HELB: variants seen among roughly 807,000 people sequenced by gnomAD.
HELB encodes DNA 5'-3' helicase B.
HELB carries 96 observed loss-of-function variants against 101.7 expected under a neutral mutation model. The observed-to-expected ratio is 0.94, with a 90% CI of 0.80 to 1.12. The LOEUF (loss-of-function observed/expected upper bound fraction) is 1.12, where lower values mean the gene tolerates loss of function less well. Ranked by LOEUF, HELB falls within the 50% of genes most tolerant of loss-of-function variation. HELB has a pLI of 0.00. For missense variants in HELB, 1,210 were observed against 1,291.9 expected, an observed-to-expected ratio of 0.94 and a Z score of 0.97; for synonymous variants, 437 against 459.7, an observed-to-expected ratio of 0.95 and a Z score of 0.63.
Position 66,336,972 on chromosome 12 carries a change from C to G in HELB, c.3163-1029C>G, listed in dbSNP as rs552625815. Among the ~76,000 whole-genome samples, 3 of 152,158 alleles carry G rather than the reference C, an allele frequency of 2.0e-5. No homozygotes were observed. In the East Asian group the frequency reaches 5.8e-4, roughly 29 times the overall value. ...GCCAAAAGATTATTTCAGTAACCTG[C>G]GTAAAATGAGGAGGTTCTAACATTA... is the stretch of plus-strand genomic sequence containing the variant. On this transcript the variant is annotated intron_variant, in intron 12 of 12. Transcript: ENST00000247815.
At chr12:66,338,272 G>A (rs546379772), downstream of HELB, 27 of 597,346 alleles carry the variant, frequency 4.5e-5, no homozygotes, top group East Asian at 3.5e-4. Flanking sequence ...ATTTCAACAC[G>A]TCATCATGAG....
At chr12:66,325,266 A>G (rs1219450015) in intron 11 of HELB, 140 bp downstream of exon 11, 4 of 587,704 alleles carry the variant, frequency 6.8e-6, no homozygotes, top group Non-Finnish European at 1.2e-5. Context: ...AACATAATAG[A>G]GAAGACGCCA....
chr12:66,315,174 A>C, intron 5 of HELB, 68 bp from the exon 6 acceptor site: 2 of 1,200,706 alleles, frequency 1.7e-6, no homozygotes, highest in Non-Finnish European at 2.3e-6. Flanking sequence ...CTGTTAAATA[A>C]TTTTAAACAA....
chr12:66,322,725 C>G lies in HELB; in HGVS notation c.2239C>G (p.Gln747Glu), dbSNP rs1461817849. The change falls in exon 9 of 13, where the codon CAA becomes GAA. Residue 747 changes from glutamine (Q) to glutamate (E), a missense_variant and splice_region_variant. Around this residue, in one of 2 missense-constraint regions of HELB, gnomAD observed 740 missense variants for 728.8 expected, o/e 1.02. Coordinates refer to ENST00000247815, the MANE Select transcript of HELB (RefSeq NM_001370285.1). ...KTSQFIAFRR[Q>E]DCDLINDCCC... Reference sequence around the variant, plus strand: ...CCCCTGCATTTTCGTGTGTTTCAGGCAAGACTGTGATCTAATTAATGACTG... The same window carrying G: ...CCCCTGCATTTTCGTGTGTTTCAGGGAAGACTGTGATCTAATTAATGACTG... 1 of 1,607,828 alleles carries G rather than the reference C, an allele frequency of 6.2e-7. No individual in the cohort carries two copies.
In HELB at chr12:66,314,134, A is replaced by C. The variant is rs754862759; in HGVS notation, c.1829A>C (p.His610Pro). 3 of 1,613,556 alleles carry C rather than the reference A, an allele frequency of 1.9e-6. No homozygotes were observed. Among genetic ancestry groups the C allele is most frequent in the Admixed American group, 3.3e-5 (2 of 59,972 alleles). ...TCGGTCTTAAATTTATTGTGTGAGC[A>C]CTCCAAACTTTCTAAGCTTATTATC... ...FKSVLNLLCE[H>P]SKLSKLIILG... Residue 610 changes from histidine (H) to proline (P), a missense_variant, in exon 5 of 13, where the codon CAC becomes CCC. Coordinates refer to ENST00000247815, the MANE Select transcript of HELB (RefSeq NM_001370285.1).
At chr12:66,304,475 C>G (rs979669401) in intron 1 of HELB, among the ~76,000 whole-genome samples, 2 of 152,154 alleles carry the variant, frequency 1.3e-5, no homozygotes, top group Non-Finnish European at 2.9e-5. Context: ...ACAGCAGACA[C>G]CTGCTGTGTA....
downstream of HELB, chr12:66,341,473 T>C (rs370781988): frequency 6.6e-6 from 1 of 152,172 alleles, no homozygotes; most frequent in African/African-American, 2.4e-5. Flanking sequence ...CAATGCTTCA[T>C]CAGCCATCCA....
intron 1 of HELB, among the ~76,000 whole-genome samples, chr12:66,304,171 G>T (rs2053443886): frequency 6.6e-6 from 1 of 152,200 alleles, no homozygotes; most frequent in Admixed American, 6.5e-5. Flanking sequence ...ACCCTCTAGT[G>T]TATTAAACAA....
At chr12:66,311,250 C>G (rs955154535) in intron 4 of HELB, among the ~76,000 whole-genome samples, 4 of 151,976 alleles carry the variant, frequency 2.6e-5, no homozygotes, top group Non-Finnish European at 5.9e-5. Context: ...CACTTGAGCT[C>G]AGGAGTTTGA....
chr12:66,328,436 A>AC (rs1157068137), intron 11 of HELB, among the ~76,000 whole-genome samples: 5 of 151,946 alleles, frequency 3.3e-5, no homozygotes, highest in African/African-American at 9.7e-5. Context: ...GGTGGCATGC[A>AC]CCCATGGTCC....
downstream of HELB, chr12:66,338,324 A>G (rs1242600297): frequency 8.3e-6 from 3 of 360,512 alleles, no homozygotes; most frequent in Non-Finnish European, 1.5e-5. Flanking sequence ...TAGATATTTT[A>G]TATACATATA....
chr12:66,330,352 A>C (rs1452893343), intron 11 of HELB, among the ~76,000 whole-genome samples: 3 of 152,178 alleles, frequency 2.0e-5, no homozygotes, highest in Non-Finnish European at 1.5e-5. Context: ...GGAAAAATAC[A>C]GACAAGTAGG....
intron 11 of HELB, among the ~76,000 whole-genome samples, chr12:66,329,868 G>C: frequency 6.6e-6 from 1 of 152,172 alleles, no homozygotes; most frequent in Non-Finnish European, 1.5e-5. Flanking sequence ...CCAAGGTGAA[G>C]AGTGGTGCCA....
rs141338855 is a variant in HELB at position 66,331,320 on chromosome 12, G to A, written c.2837G>A (p.Arg946His). ...AAAAACAGTTTTCCTAGAAAAACTC[G>A]TTTGAAACATTTCTTGCAAAGTAAG... ...IMKNSFPRKT[R>H]LKHFLQSKLS... The change falls in exon 12 of 13, where the codon CGT becomes CAT. Residue 946 changes from arginine to histidine, a missense_variant. Arg to His is a conservative substitution (Grantham distance 29, BLOSUM62 0). Transcript: ENST00000247815. 4.8e-4 allele frequency: 779 copies of A among 1,614,186 alleles called. 5 individuals carry two copies. In the East Asian group the frequency reaches 8.4e-3, roughly 17 times the overall value.
At chr12:66,325,618 C>T (rs1196791492) in intron 11 of HELB, among the ~76,000 whole-genome samples, 3 of 152,168 alleles carry the variant, frequency 2.0e-5, no homozygotes, top group African/African-American at 7.2e-5. Flanking sequence ...AAAGTGACTT[C>T]TGCCCCGAAT....
chr12:66,325,980 A>T (rs1402604237), intron 11 of HELB, among the ~76,000 whole-genome samples: 3 of 152,196 alleles, frequency 2.0e-5, no homozygotes, highest in Non-Finnish European at 2.9e-5. Flanking sequence ...ACATTTTATA[A>T]CTATGGCATA....
intron 12 of HELB, among the ~76,000 whole-genome samples, chr12:66,335,749 A>G (rs1365719725): frequency 6.6e-6 from 1 of 152,182 alleles, no homozygotes; most frequent in African/African-American, 2.4e-5. Flanking sequence ...TTGCCCTGAG[A>G]CAGGATTAGG....
chr12:66,325,061 T>C lies in HELB; in HGVS notation c.2605T>C (p.Phe869Leu), dbSNP rs1490289025. ...NMAGLEVTVD[F>L]KKLMKYCRIK... ...GGCTGGCCTGGAAGTAACTGTGGAT[T>C]TTAAGAAACTAATGAAATATTGTCG... The change falls in exon 11 of 13, where the codon TTT becomes CTT. Residue 869 changes from phenylalanine (F) to leucine (L), a missense_variant. Physicochemically the swap from Phe to Leu is conservative, Grantham distance 22 (BLOSUM62 0). This residue lies in a region of HELB where 740 missense variants were observed against 728.8 expected (regional missense o/e 1.02). Transcript: ENST00000247815. 1 of 1,613,870 alleles carries C rather than the reference T, an allele frequency of 6.2e-7. No homozygotes were observed. Among genetic ancestry groups the C allele is most frequent in the African/African-American group, 1.3e-5 (1 of 75,068 alleles).
chr12:66,341,330 C>A (rs2053916821), downstream of HELB: 2 of 152,288 alleles, frequency 1.3e-5, no homozygotes, highest in African/African-American at 4.8e-5. Flanking sequence ...CATTCGTCCA[C>A]CTGCTGTGTT....
Sources: gnomAD v4.1 joint callset for allele counts (sites outside exome capture counted in the v4.1 genomes callset) on GRCh38, gnomAD v4.1.1 for gene constraint, gnomAD v4.1.1 regional missense constraint, MANE v1.5 for transcripts, NCBI Gene and HGNC (gene_info 2026-07-23, HGNC 2026-07-21) for gene names.